Variants in LRP1B observed in about 807,000 individuals in gnomAD.
LRP1B encodes the protein LDL receptor related protein 1B.
Under a neutral mutation model 556.6 loss-of-function variants are expected in LRP1B, and 217 were observed. That is an observed-to-expected ratio of 0.39 (90% CI 0.35 to 0.44). LRP1B has a LOEUF of 0.44. Among genes scored for constraint, LRP1B ranks in the 20% least tolerant of loss-of-function variants. LRP1B has a pLI of 1.00. For synonymous variants in LRP1B, 2,047 were observed against 1,865.8 expected (o/e 1.10, Z -2.50); for missense variants, 5,053 against 5,620.8 (o/e 0.90, Z 3.23).
chr2:141,314,689 G>C (rs1686932142), intron 3 of LRP1B, among the ~76,000 whole-genome samples: 1 of 149,618 alleles, frequency 6.7e-6, no homozygotes, highest in Non-Finnish European at 1.5e-5. Context: ...TAATCGGGAG[G>C]CTGAGGCAGG....
At chr2:141,070,176 G>A (rs1283968505) in intron 7 of LRP1B, among the ~76,000 whole-genome samples, 2 of 151,894 alleles carry the variant, frequency 1.3e-5, no homozygotes, top group South Asian at 2.1e-4. Context: ...GTGTATATGT[G>A]CCACATTTTC....
At chr2:140,836,322 A>G (rs13427081) in intron 31 of LRP1B, among the ~76,000 whole-genome samples, 6,396 of 152,252 alleles carry the variant, frequency 0.042, 437 homozygotes, top group African/African-American at 0.14. Flanking sequence ...TTAAAGTCAC[A>G]GAGTTAATAA....
At chr2:140,628,430 G>C (rs1386017681) in intron 41 of LRP1B, among the ~76,000 whole-genome samples, 2 of 151,714 alleles carry the variant, frequency 1.3e-5, no homozygotes, top group Admixed American at 6.6e-5. Context: ...CCAGCTACTC[G>C]GGAGGCTGAG....
chr2:142,096,848 T>C (rs1033649054), intron 1 of LRP1B, among the ~76,000 whole-genome samples: 2 of 151,550 alleles, frequency 1.3e-5, no homozygotes, highest in African/African-American at 4.8e-5. Context: ...TAGTACCTAA[T>C]AGTTTTTTAA....
chr2:141,124,425 A>G (rs1558877010), intron 7 of LRP1B, among the ~76,000 whole-genome samples: 1 of 152,156 alleles, frequency 6.6e-6, no homozygotes, highest in Non-Finnish European at 1.5e-5. Context: ...TTTTTGGTAC[A>G]TAGCCATATT....
rs1407142029 is a variant in LRP1B, at chr2:141,188,602, A to G, written c.851-19T>C. 2 of 1,608,124 alleles carry G rather than the reference A, an allele frequency of 1.2e-6. No individual in the cohort carries two copies. Among genetic ancestry groups the G allele is most frequent in the Non-Finnish European group, 1.7e-6 (2 of 1,176,086 alleles). ...TGCACATCTGAAAAACACATACACA[A>G]AATCATTGAATCACAGGTGCAATCT... On this transcript the variant is annotated intron_variant, in intron 6 of 90. Transcript: ENST00000389484.
At chr2:140,952,327 G>A (rs879410309) in intron 18 of LRP1B, among the ~76,000 whole-genome samples, 1 of 152,026 alleles carries the variant, frequency 6.6e-6, no homozygotes, top group Non-Finnish European at 1.5e-5. Flanking sequence ...TTTAATAGTG[G>A]AAGGCCTTTT....
chr2:141,749,841 CT>C (rs1172907633), intron 2 of LRP1B, among the ~76,000 whole-genome samples: 3 of 152,078 alleles, frequency 2.0e-5, no homozygotes, highest in Non-Finnish European at 4.4e-5. Flanking sequence ...GTAAAATATC[CT>C]GGGGATTGAA....
At chr2:140,490,964 T>C (rs1358177736) in intron 57 of LRP1B, among the ~76,000 whole-genome samples, 1 of 152,096 alleles carries the variant, frequency 6.6e-6, no homozygotes, top group Non-Finnish European at 1.5e-5. Context: ...CTGGCAACAG[T>C]CTAAAATGAT....
intron 6 of LRP1B, among the ~76,000 whole-genome samples, chr2:141,215,980 A>T (rs779064991): frequency 6.6e-6 from 1 of 152,242 alleles, no homozygotes; most frequent in Non-Finnish European, 1.5e-5. Context: ...AGAAATTTGC[A>T]TAACTAAAAA....
At chr2:140,436,221 C>T (rs12999683) in intron 66 of LRP1B, among the ~76,000 whole-genome samples, 47,327 of 151,794 alleles carry the variant, frequency 0.31, 7,871 homozygotes, top group Non-Finnish European at 0.34. Flanking sequence ...CCCCACCCTA[C>T]CAAGTTTGTA....
chr2:141,480,346 A>C, intron 3 of LRP1B, 50 bp downstream of exon 3: 1 of 1,600,612 alleles, frequency 6.2e-7, no homozygotes, highest in Non-Finnish European at 8.5e-7. Flanking sequence ...AACTTTCATT[A>C]CTATGTAAAA....
chr2:140,876,221 T>G (rs543994703), intron 25 of LRP1B, among the ~76,000 whole-genome samples: 89 of 152,286 alleles, frequency 5.8e-4, no homozygotes, highest in African/African-American at 2.0e-3. Flanking sequence ...CTTGAAACAT[T>G]GCTAATCCTT....
chr2:141,251,202 T>C (rs774680981), intron 4 of LRP1B, among the ~76,000 whole-genome samples: 4 of 152,140 alleles, frequency 2.6e-5, no homozygotes, highest in Admixed American at 6.6e-5. Context: ...TCTGAAAAAC[T>C]GCAGATATGC....
intron 3 of LRP1B, among the ~76,000 whole-genome samples, chr2:141,362,566 C>T (rs1688864457): frequency 6.6e-6 from 1 of 152,216 alleles, no homozygotes; most frequent in Non-Finnish European, 1.5e-5. Flanking sequence ...ATTTGTACTA[C>T]TACATTTTTG....
intron 1 of LRP1B, among the ~76,000 whole-genome samples, chr2:142,123,564 A>G (rs1343118402): frequency 6.6e-6 from 1 of 151,972 alleles, no homozygotes; most frequent in Non-Finnish European, 1.5e-5. Context: ...CAACTCAGGA[A>G]GAGATGTCTG....
chr2:141,276,303 TTAGC>T (rs1281881736), intron 3 of LRP1B, among the ~76,000 whole-genome samples: 1 of 152,032 alleles, frequency 6.6e-6, no homozygotes. Context: ...ACTTTTTTTT[TTAGC>T]TTTTAGTTTT....
At chr2:141,861,891 C>T (rs1041944955) in intron 1 of LRP1B, among the ~76,000 whole-genome samples, 3 of 151,408 alleles carry the variant, frequency 2.0e-5, no homozygotes, top group African/African-American at 7.3e-5. Flanking sequence ...GATAGTGCCA[C>T]TGCACTTTAG....
chr2:140,679,937 A>G (rs1685803996), intron 41 of LRP1B, among the ~76,000 whole-genome samples: 1 of 151,532 alleles, frequency 6.6e-6, no homozygotes, highest in Admixed American at 6.6e-5. Flanking sequence ...TAATTTACTT[A>G]TTTATTTATT....
Sources: gnomAD v4.1 joint callset for allele counts (sites outside exome capture counted in the v4.1 genomes callset) on GRCh38, gnomAD v4.1.1 for gene constraint, MANE v1.5 for transcripts, NCBI Gene and HGNC (gene_info 2026-07-23, HGNC 2026-07-21) for gene names.